The following ABI3BP variants were observed in gnomAD, a reference collection of about 807,000 sequenced individuals.
ABI3BP encodes ABI family member 3 binding protein.
In ABI3BP, 216 loss-of-function variants were observed where a neutral mutation model predicts 268.6. That is an observed-to-expected ratio of 0.80 (90% CI 0.72 to 0.90). ABI3BP has a LOEUF of 0.90. ABI3BP is among the 40% of genes least tolerant of loss of function. The pLI is 0.00. For missense variants in ABI3BP, 2,090 were observed against 2,182.4 expected (o/e 0.96, Z 0.84); for synonymous variants, 730 against 730.0 (o/e 1.00, Z 0.00).
chr3:100,796,084 A>G (rs1440718417), intron 52 of ABI3BP, among the ~76,000 whole-genome samples: 1 of 152,064 alleles, frequency 6.6e-6, no homozygotes, highest in Non-Finnish European at 1.5e-5. Flanking sequence ...GTAGGCACCC[A>G]CTTTTTTTTA....
chr3:100,944,303 T>C (rs1401434101), intron 1 of ABI3BP, among the ~76,000 whole-genome samples: 1 of 152,292 alleles, frequency 6.6e-6, no homozygotes, highest in East Asian at 1.9e-4. Flanking sequence ...AAATTAATAT[T>C]ACTCTGAGTA....
At position 100,879,469 on chromosome 3, in the gene ABI3BP, A is replaced by C. The variant is rs1178858885; in HGVS notation, c.697-2909T>G. Among the ~76,000 whole-genome samples, 4 of 152,364 alleles carry C rather than the reference A, an allele frequency of 2.6e-5. No homozygotes were observed. The East Asian group carries it at 7.7e-4, about 29-fold the overall frequency. On this transcript the variant is annotated intron_variant, in intron 6 of 67. Coordinates refer to ENST00000471714, the MANE Select transcript of ABI3BP (RefSeq NM_001375547.2). ...GTCTTTCCAAGATACTTAACACATTAGAGCAGAAAAGCCTACATGTTGCTA... is the reference window on the plus strand; with the variant it reads ...GTCTTTCCAAGATACTTAACACATTCGAGCAGAAAAGCCTACATGTTGCTA...
At chr3:100,844,740 G>T (rs934019075) in intron 20 of ABI3BP, among the ~76,000 whole-genome samples, 3 of 152,200 alleles carry the variant, frequency 2.0e-5, no homozygotes, top group East Asian at 3.8e-4. Context: ...CACAGGCCTA[G>T]GTGTGGATTC....
intron 6 of ABI3BP, among the ~76,000 whole-genome samples, chr3:100,883,737 G>C (rs983423406): frequency 6.6e-6 from 1 of 151,994 alleles, no homozygotes; most frequent in Non-Finnish European, 1.5e-5. Flanking sequence ...TATTAGGAAG[G>C]CTTAAAAATG....
Position 100,850,717 on chromosome 3 carries a change from G to C in ABI3BP, c.1369C>G (p.Leu457Val). Residue 457 changes from leucine to valine, a missense_variant, in exon 16 of 68, where the codon CTG (leucine) becomes GTG (valine). Coordinates refer to ENST00000471714, the MANE Select transcript of ABI3BP (RefSeq NM_001375547.2). ...DSYTATSDRI[L>V]DSIPPKTSRT... ...GAAGTTTTAGGTGGGATAGAATCCA[G>C]AATACGATCACTTGTTGCTGTTGGA... is the stretch of plus-strand genomic sequence containing the variant. 1.2e-6 allele frequency: 2 copies of C among 1,612,848 alleles called. No homozygotes were observed. The highest frequency in any genetic ancestry group is 2.2e-5 in the East Asian group (1 of 44,810).
chr3:100,820,946 G>A (rs1390718540), intron 39 of ABI3BP, 108 bp downstream of exon 39: 2 of 909,326 alleles, frequency 2.2e-6, no homozygotes, highest in Admixed American at 4.3e-5. Context: ...ATGAAACAGA[G>A]AATGATGATG....
chr3:100,840,756 T>C (rs1381096735), intron 22 of ABI3BP, 64 bp downstream of exon 22: 1 of 1,377,238 alleles, frequency 7.3e-7, no homozygotes, highest in East Asian at 2.5e-5. Context: ...TGTGAGTCTG[T>C]CAACACAGAT....
At chr3:100,898,541 C>A (rs1406410056) in intron 4 of ABI3BP, among the ~76,000 whole-genome samples, 1 of 152,200 alleles carries the variant, frequency 6.6e-6, no homozygotes, top group African/African-American at 2.4e-5. Flanking sequence ...TTGACTCATA[C>A]TTCCTTGTAT....
intron 2 of ABI3BP, among the ~76,000 whole-genome samples, chr3:100,908,750 A>G (rs986122419): frequency 2.6e-5 from 4 of 152,232 alleles, no homozygotes; most frequent in African/African-American, 9.6e-5. Context: ...GCTCAAGGAA[A>G]TAGGAGAGGA....
chr3:100,829,366 A>C (rs1442650409), intron 33 of ABI3BP, among the ~76,000 whole-genome samples: 3 of 152,160 alleles, frequency 2.0e-5, no homozygotes, highest in African/African-American at 7.2e-5. Flanking sequence ...TATATTCAAC[A>C]TTGAAAGGAT....
intron 2 of ABI3BP, among the ~76,000 whole-genome samples, chr3:100,912,507 C>T (rs1340218784): frequency 6.6e-6 from 1 of 151,886 alleles, no homozygotes; most frequent in East Asian, 1.9e-4. Flanking sequence ...GCCAGTGTGG[C>T]ACATCATGAG....
At chr3:100,938,040 C>T (rs557766444) in intron 1 of ABI3BP, among the ~76,000 whole-genome samples, 2 of 151,996 alleles carry the variant, frequency 1.3e-5, no homozygotes, top group Non-Finnish European at 2.9e-5. Context: ...TAAACGAACA[C>T]AAGAACAGAA....
intron 2 of ABI3BP, among the ~76,000 whole-genome samples, chr3:100,925,754 A>G (rs757089089): frequency 2.6e-5 from 4 of 151,966 alleles, no homozygotes; most frequent in Admixed American, 2.0e-4. Context: ...TTTGCAAATA[A>G]TTTTTCTGGA....
Position 100,749,578 on chromosome 3 carries a change from T to G in ABI3BP, c.*917A>C, listed in dbSNP as rs574928819. 2.5e-6 allele frequency: 1 copy of G among 397,428 alleles called. No homozygotes were observed. The highest frequency in any genetic ancestry group is 2.1e-5 in the African/African-American group (1 of 48,104). 24.6% of individuals were successfully genotyped at this position (397,428 alleles called of 1,614,324 possible). The stretch of plus-strand genomic sequence containing the variant: ...TTGAATTAAACAGTTACAAAGACAT[T>G]CTCTGATACATTCATTCATAGAGGT... On this transcript the variant is annotated 3_prime_UTR_variant, in exon 68 of 68. Coordinates refer to ENST00000471714, the MANE Select transcript of ABI3BP (RefSeq NM_001375547.2).
At chr3:100,905,752 A>G (rs2053118848) in intron 2 of ABI3BP, among the ~76,000 whole-genome samples, 1 of 152,206 alleles carries the variant, frequency 6.6e-6, no homozygotes, top group South Asian at 2.1e-4. Flanking sequence ...AAAGGCCCTT[A>G]CGTTTGCATT....
intron 62 of ABI3BP, among the ~76,000 whole-genome samples, chr3:100,768,373 C>G (rs998203277): frequency 6.6e-6 from 1 of 152,204 alleles, no homozygotes; most frequent in Non-Finnish European, 1.5e-5. Flanking sequence ...CAGGCGTGAG[C>G]CACTGAGCCC....
Position 100,794,927 on chromosome 3 carries a change from A to G in ABI3BP, c.3942T>C (p.Thr1314=), listed in dbSNP as rs1384446615. The G allele has an allele frequency of 6.4e-7, 1 of 1,564,280 alleles. No homozygotes were observed. The highest frequency in any genetic ancestry group is 1.9e-5 in the Admixed American group (1 of 52,992). Residue 1314 remains threonine, a synonymous_variant, in exon 54 of 68, where the codon ACT becomes ACC. Coordinates refer to ENST00000471714, the MANE Select transcript of ABI3BP (RefSeq NM_001375547.2). ...AAATATTAAAACGAAATTTACCCAG[A>G]GTGGTCTGTAGTTCCTCTTGACTAG... The part of the protein sequence containing the change: ...PSPSQEELQT[T]LEETDQSTQE...
chr3:100,819,710 G>A (rs934596210), intron 40 of ABI3BP, among the ~76,000 whole-genome samples: 4 of 152,006 alleles, frequency 2.6e-5, no homozygotes. Context: ...CCAGCACTTT[G>A]GGAGGCTGAG....
intron 1 of ABI3BP, among the ~76,000 whole-genome samples, chr3:100,987,911 CA>C (rs2092223031): frequency 6.6e-6 from 1 of 152,118 alleles, no homozygotes; most frequent in South Asian, 2.1e-4. Context: ...ACAAACACAT[CA>C]ATAAAACTGT....
Sources: gnomAD v4.1 joint callset for allele counts (sites outside exome capture counted in the v4.1 genomes callset) on GRCh38, gnomAD v4.1.1 for gene constraint, MANE v1.5 for transcripts, NCBI Gene and HGNC (gene_info 2026-07-23, HGNC 2026-07-21) for gene names.